HNRNPU: variants seen among roughly 807,000 people sequenced by gnomAD.
The protein encoded by HNRNPU is heterogeneous nuclear ribonucleoprotein U.
HNRNPU carries 5 observed loss-of-function variants against 94.7 expected under a neutral mutation model. The observed-to-expected ratio is 0.05, with a 90% CI of 0.03 to 0.11. The LOEUF is 0.11. Ranked by LOEUF, HNRNPU falls within the 10% of genes least tolerant of loss-of-function variation. The pLI, the probability that HNRNPU is intolerant of heterozygous loss-of-function variation, is 1.00. For missense variants in HNRNPU, 710 were observed against 1,049.2 expected, an observed-to-expected ratio of 0.68 and a Z score of 4.47; for synonymous variants, 434 against 381.6, an observed-to-expected ratio of 1.14 and a Z score of -1.60.
intron 1 of HNRNPU, 76 bp downstream of exon 1, chr1:244,863,541 G>A (rs1680912270): frequency 4.7e-6 from 6 of 1,272,278 alleles, no homozygotes; most frequent in Non-Finnish European, 5.9e-6. Flanking sequence ...CCCCTGCGGG[G>A]CTCCGGCAGG....
At chr1:244,854,889 T>C (rs1680638796) in intron 13 of HNRNPU, 84 bp downstream of exon 13, 2 of 1,120,728 alleles carry the variant, frequency 1.8e-6, no homozygotes, top group African/African-American at 3.1e-5. Flanking sequence ...CTTCAATCCC[T>C]GAACAAGATC....
In HNRNPU at chr1:244,851,668, A is replaced by T. The variant is rs1680552912; in HGVS notation, c.*2782T>A. 1 of 152,112 alleles carries T rather than the reference A, an allele frequency of 6.6e-6. No individual in the cohort carries two copies. The highest frequency in any genetic ancestry group is 2.4e-5 in the African/African-American group (1 of 41,404). The allele number at this position is 152,112 out of a possible 1,614,324, so 9.4% of individuals were successfully genotyped here. A position where few individuals can be genotyped will look rare whatever the true frequency, so the allele number is the denominator to read the frequency against. On this transcript the variant is annotated 3_prime_UTR_variant, in exon 14 of 14. Transcript: ENST00000640218. Reference sequence around the variant, plus strand: ...CCTAGGCAAATGAGAGCTTGTTTTTATGTATTTAAGAGTTTCCTCTTGTCA... The same window carrying T: ...CCTAGGCAAATGAGAGCTTGTTTTTTTGTATTTAAGAGTTTCCTCTTGTCA...
chr1:244,859,520 A>G, intron 4 of HNRNPU, 146 bp from the exon 5 acceptor site: 1 of 499,108 alleles, frequency 2.0e-6, no homozygotes, highest in Non-Finnish European at 3.6e-6. Flanking sequence ...AATATTTGTA[A>G]GAACTTTAAA....
At chr1:244,863,265 CGCAGCGCGACGGCGCCACCGCGGGCCG>C (rs1402341427) in intron 1 of HNRNPU, among the ~76,000 whole-genome samples, 1 of 149,940 alleles carries the variant, frequency 6.7e-6, no homozygotes, top group Non-Finnish European at 1.5e-5. Flanking sequence ...ACCGCGCGCA[CGCAGCGCGACGGCGCCACCGCGGGCCG>C]ACCGGGCTCC....
In HNRNPU at chr1:244,850,978, C is replaced by CT. The variant is rs879777370; in HGVS notation, c.*3471dup. Reference sequence around the variant, plus strand: ...AATTCTCTGCTACAAGTTCCATCCACTTTTTTTTTTTCAAGAGACCAGGTC... The same window carrying CT: ...AATTCTCTGCTACAAGTTCCATCCACTTTTTTTTTTTTCAAGAGACCAGGTC... On this transcript the variant is annotated 3_prime_UTR_variant, in exon 14 of 14. Coordinates refer to ENST00000640218, the MANE Select transcript of HNRNPU (RefSeq NM_031844.3). 5.8e-3 allele frequency: 849 copies of CT among 146,660 alleles called. 6 individuals are homozygous for CT. Among genetic ancestry groups the CT allele is most frequent in the African/African-American group, 0.017 (705 of 40,330 alleles). 9.1% of individuals were successfully genotyped at this position (146,660 alleles called of 1,614,324 possible). A position where few individuals can be genotyped will look rare whatever the true frequency, so the allele number is the denominator to read the frequency against.
chr1:244,858,792 G>A lies in HNRNPU; in HGVS notation c.1167C>T (p.Cys389=), dbSNP rs906134616. Residue 389 remains cysteine, a synonymous_variant, in exon 6 of 14, where the codon TGC becomes TGT. Coordinates refer to ENST00000640218, the MANE Select transcript of HNRNPU (RefSeq NM_031844.3). ...YGYSLKGIKT[C]NCETEDYGEK... is the part of the protein sequence containing the mutation. Reference sequence around the variant, plus strand: ...CTCCATAATCTTCAGTCTCACAGTTGCATGTTTTTATTCCTTTTAGAGAAT... The same window carrying A: ...CTCCATAATCTTCAGTCTCACAGTTACATGTTTTTATTCCTTTTAGAGAAT... 4 of 1,592,324 alleles carry A rather than the reference G, an allele frequency of 2.5e-6. No individual in the cohort carries two copies. Among genetic ancestry groups the A allele is most frequent in the African/African-American group, 1.3e-5 (1 of 74,456 alleles).
In HNRNPU at chr1:244,856,462, A is replaced by G; in HGVS notation, c.1907T>C (p.Met636Thr). 1 of 1,606,196 alleles carries G rather than the reference A, an allele frequency of 6.2e-7. No homozygotes were observed. Reference protein sequence around the residue: ...KDLPEHAVLKMKGNFTLPEVA... With the variant: ...KDLPEHAVLKTKGNFTLPEVA... ...ACAGAATTAAAATTCCATGCCTTTCATTTTGAGGACCGCATGTTCTGGTAG... is the reference window on the plus strand; with the variant it reads ...ACAGAATTAAAATTCCATGCCTTTCGTTTTGAGGACCGCATGTTCTGGTAG... Residue 636 changes from methionine to threonine, a missense_variant, in exon 10 of 14, where the codon ATG (methionine) becomes ACG (threonine). Around this residue, in one of 8 missense-constraint regions of HNRNPU, gnomAD observed 152 missense variants for 238.9 expected, o/e 0.64. Transcript: ENST00000640218.
chr1:244,858,729 A>G lies in HNRNPU; in HGVS notation c.1230T>C (p.Ala410=), dbSNP rs761812715. 15 of 1,520,204 alleles carry G rather than the reference A, an allele frequency of 9.9e-6. No individual in the cohort carries two copies. The highest frequency in any genetic ancestry group is 1.7e-5 in the Admixed American group (1 of 59,154). The allele number at this position is 1,520,204 out of a possible 1,614,324, so 94.2% of individuals were successfully genotyped here. ...FDENDVITCF[A]NFESDEVELS... ...ACATAGAAAGTTAGCTTTAACTTAC[A>G]GCAAAACATGTAATCACATCATTTT... Residue 410 remains alanine (A), a splice_region_variant and synonymous_variant, in exon 6 of 14, where the codon GCT becomes GCC. Coordinates refer to ENST00000640218, the MANE Select transcript of HNRNPU (RefSeq NM_031844.3).
In HNRNPU at chr1:244,855,440, C is replaced by T. The variant is rs1233591468; in HGVS notation, c.2336G>A (p.Arg779Lys). ...GNYNRGGMPN[R>K]GNYNQNFRGR... is the part of the protein sequence containing the mutation. Reference sequence around the variant, plus strand: ...AATCATTACCTGGTTGTAGTTCCCTCTGTTGGGCATTCCACCTCTGTTGTA... The same window carrying T: ...AATCATTACCTGGTTGTAGTTCCCTTTGTTGGGCATTCCACCTCTGTTGTA... The change falls in exon 12 of 14, where the codon AGA becomes AAA. Residue 779 changes from arginine (R) to lysine (K), a missense_variant. Arg to Lys is a conservative substitution (Grantham distance 26). Coordinates refer to ENST00000640218, the MANE Select transcript of HNRNPU (RefSeq NM_031844.3). 1 of 1,613,612 alleles carries T rather than the reference C, an allele frequency of 6.2e-7. No homozygotes were observed. Among genetic ancestry groups the T allele is most frequent in the Non-Finnish European group, 8.5e-7 (1 of 1,179,898 alleles).
intron 5 of HNRNPU, 160 bp from the exon 6 acceptor site, chr1:244,859,001 A>C: frequency 1.7e-6 from 1 of 596,584 alleles, no homozygotes; most frequent in Middle Eastern, 4.4e-4. Context: ...GAATTGATGG[A>C]AGTTAGGAGG....
chr1:244,856,281 T>C (rs1199046245), intron 10 of HNRNPU, 123 bp from the exon 11 acceptor site: 9 of 1,152,960 alleles, frequency 7.8e-6, no homozygotes, highest in Admixed American at 2.4e-5. Context: ...ACCAAACATA[T>C]ATGCATATGT....
In HNRNPU at chr1:244,863,626, G is replaced by A; in HGVS notation, c.682C>T (p.Pro228Ser). ...GGGGGGRPGA[P>S]AAGDGKTEQK... ...ACAACGCAGCACTCACCCGCCGCCG[G>A]AGCCCCGGGGCGACCGCCGCCTCCG... is the stretch of plus-strand genomic sequence containing the variant. Residue 228 changes from proline to serine, a missense_variant, in exon 1 of 14, where the codon CCG (proline) becomes TCG (serine). Pro to Ser is a moderately conservative substitution (Grantham distance 74). Around this residue, in one of 8 missense-constraint regions of HNRNPU, gnomAD observed 292 missense variants for 293.4 expected, o/e 1.00. Coordinates refer to ENST00000640218, the MANE Select transcript of HNRNPU (RefSeq NM_031844.3). The A allele has an allele frequency of 6.5e-7, 1 of 1,528,138 alleles. No homozygotes were observed. The allele number at this position is 1,528,138 out of a possible 1,614,324, so 94.7% of individuals were successfully genotyped here.
At chr1:244,859,885 C>G (rs1680780677) in intron 4 of HNRNPU, 1 of 158,220 alleles carries the variant, frequency 6.3e-6, no homozygotes, top group African/African-American at 2.4e-5. Context: ...CCTTTGATAA[C>G]TTAGCAGTAT....
chr1:244,857,797 T>C, intron 7 of HNRNPU, 80 bp from the exon 8 acceptor site: 1 of 1,514,008 alleles, frequency 6.6e-7, no homozygotes, highest in South Asian at 1.3e-5. Context: ...AAGGCCAATT[T>C]AAATATCTAA....
chr1:244,864,437 T>C lies in HNRNPU; in HGVS notation c.-130A>G. 2 of 1,488,500 alleles carry C rather than the reference T, an allele frequency of 1.3e-6. No homozygotes were observed. Among genetic ancestry groups the C allele is most frequent in the African/African-American group, 2.8e-5 (2 of 70,218 alleles). 92.2% of individuals were successfully genotyped at this position (1,488,500 alleles called of 1,614,324 possible). Reference sequence around the variant, plus strand: ...GCGGCTGCGGCTGGAGATGGGTTCGTGCTGCAGAGCGGATCCGCCTGGTGT... The same window carrying C: ...GCGGCTGCGGCTGGAGATGGGTTCGCGCTGCAGAGCGGATCCGCCTGGTGT... On this transcript the variant is annotated 5_prime_UTR_variant, in exon 1 of 14. Transcript: ENST00000640218.
At position 244,864,151 on chromosome 1, in the gene HNRNPU, T is replaced by C. The variant is rs770396451; in HGVS notation, c.157A>G (p.Met53Val). 25 of 1,604,332 alleles carry C rather than the reference T, an allele frequency of 1.6e-5. No homozygotes were observed. Among genetic ancestry groups the C allele is most frequent in the African/African-American group, 6.7e-5 (5 of 74,732 alleles). The stretch of plus-strand genomic sequence containing the variant: ...TCTAGGCTGCCGTTCCCGGGCTCCA[T>C]GGCGGGGCGGCCCCCGGCCTCCTCG... Reference protein sequence around the residue: ...DDEEAGGRPAMEPGNGSLDLG... With the variant: ...DDEEAGGRPAVEPGNGSLDLG... Residue 53 changes from methionine (M) to valine (V), a missense_variant, in exon 1 of 14, where the codon ATG (methionine) becomes GTG (valine). Transcript: ENST00000640218.
At position 244,851,808 on chromosome 1, in the gene HNRNPU, T is replaced by A. The variant is rs1680556360; in HGVS notation, c.*2642A>T. 1 of 152,224 alleles carries A rather than the reference T, an allele frequency of 6.6e-6. No individual in the cohort carries two copies. Among genetic ancestry groups the A allele is most frequent in the African/African-American group, 2.4e-5 (1 of 41,462 alleles). The allele number at this position is 152,224 out of a possible 1,614,324, so 9.4% of individuals were successfully genotyped here. A position where few individuals can be genotyped will look rare whatever the true frequency, so the allele number is the denominator to read the frequency against. On this transcript the variant is annotated 3_prime_UTR_variant, in exon 14 of 14. Transcript: ENST00000640218. ...TATGTGAGTATATGAGGGAAAACTT[T>A]CCACATAATTTTACATCATTTCTAT...
intron 5 of HNRNPU, 40 bp downstream of exon 5, chr1:244,859,235 G>T: frequency 2.9e-6 from 3 of 1,024,762 alleles, no homozygotes; most frequent in Non-Finnish European, 4.6e-6. Context: ...AGACCCTCCT[G>T]AACATTCATG....
intron 6 of HNRNPU, 107 bp from the exon 7 acceptor site, chr1:244,858,381 T>A: frequency 1.9e-6 from 2 of 1,053,482 alleles, no homozygotes; most frequent in Non-Finnish European, 2.7e-6. Flanking sequence ...AGCTACAGGT[T>A]AAAGAACTAT....
Sources: allele counts gnomAD v4.1 joint callset (sites outside exome capture counted in the v4.1 genomes callset), GRCh38; gene constraint gnomAD v4.1.1; regional missense constraint gnomAD v4.1.1; transcripts MANE v1.5; gene names NCBI Gene and HGNC (gene_info 2026-07-23, HGNC 2026-07-21).